Variants in LONP1 observed in about 807,000 individuals in gnomAD.
LONP1 encodes the protein lon protease homolog, mitochondrial.
In LONP1, 31 loss-of-function variants were observed where a neutral mutation model predicts 98.5. That is an observed-to-expected ratio of 0.31 (90% confidence interval 0.24 to 0.42). The LOEUF is 0.42. Among genes scored for constraint, LONP1 ranks in the 20% least tolerant of loss-of-function variants. LONP1 has a pLI of 1.00. For synonymous variants in LONP1, 781 were observed against 594.7 expected, an observed-to-expected ratio of 1.31 and a Z score of -4.56; for missense variants, 1,336 against 1,350.6, an observed-to-expected ratio of 0.99 and a Z score of 0.17.
chr19:5,701,553 C>T (rs1167161394), intron 8 of LONP1, among the ~76,000 whole-genome samples: 1 of 152,214 alleles, frequency 6.6e-6, no homozygotes, highest in African/African-American at 2.4e-5. Flanking sequence ...GGCTGGTCTC[C>T]AGGTCCTAAC....
Position 5,692,164 on chromosome 19 carries a change from G to C in LONP1, c.2748C>G (p.Asn916Lys). 2 of 1,614,122 alleles carry C rather than the reference G, an allele frequency of 1.2e-6. No homozygotes were observed. The highest frequency in any genetic ancestry group is 1.7e-6 in the Non-Finnish European group (2 of 1,179,994). ...GVTCIVLPAE[N>K]KKDFYDLAAF... ...CTGCCAGGTCGTAGAAGTCCTTCTT[G>C]TTCTCGGCTGGCAGGACGATGCACG... Residue 916 changes from asparagine to lysine, a missense_variant, in exon 18 of 18, where the codon AAC becomes AAG. By Grantham distance (94) the Asn-to-Lys change is moderately conservative. Around this residue, in one of 5 missense-constraint regions of LONP1, gnomAD observed 555 missense variants for 542.6 expected, o/e 1.02. Coordinates refer to ENST00000360614, the MANE Select transcript of LONP1 (RefSeq NM_004793.4).
chr19:5,691,976 T>TCTGTTCTGGCCCAGACAGGGCCTGACATC lies in LONP1; in HGVS notation c.*55_*56insGATGTCAGGCCCTGTCTGGGCCAGAACAG. The TCTGTTCTGGCCCAGACAGGGCCTGACATC allele has an allele frequency of 1.3e-6, 2 of 1,536,484 alleles. No individual in the cohort carries two copies. The highest frequency in any genetic ancestry group is 1.8e-6 in the Non-Finnish European group (2 of 1,135,666). ...GGTCCGGGCGCGCTCCCCACAGCGC[T>TCTGTTCTGGCCCAGACAGGGCCTGACATC]CAGTTCTGGCCCAGACAGGGCCTGA... On this transcript the variant is annotated 3_prime_UTR_variant, in exon 18 of 18. Transcript: ENST00000360614.
intron 13 of LONP1, 43 bp downstream of exon 13, chr19:5,696,011 C>G (rs774608202): frequency 1.5e-5 from 24 of 1,570,486 alleles, no homozygotes; most frequent in Middle Eastern, 1.7e-4. Context: ...GGGGCGCCCC[C>G]TGCTCTGGGA....
At chr19:5,700,165 G>A (rs556150556) in intron 9 of LONP1, among the ~76,000 whole-genome samples, 32 of 152,218 alleles carry the variant, frequency 2.1e-4, no homozygotes, top group African/African-American at 7.0e-4. Context: ...CCAGGCTGGA[G>A]TGCAATGGCA....
chr19:5,707,271 C>T (rs1006758240), intron 6 of LONP1, 128 bp from the exon 7 acceptor site: 7 of 730,228 alleles, frequency 9.6e-6, no homozygotes, highest in African/African-American at 1.7e-5. Flanking sequence ...GTACCCAGCA[C>T]AGAGGCATGT....
chr19:5,699,526 G>T (rs2055003298), intron 9 of LONP1, among the ~76,000 whole-genome samples: 1 of 150,898 alleles, frequency 6.6e-6, no homozygotes, highest in African/African-American at 2.4e-5. Context: ...CCAACCCAGA[G>T]AAGCAGTCCA....
At chr19:5,700,639 A>T in intron 9 of LONP1, 150 bp downstream of exon 9, 1 of 1,108,020 alleles carries the variant, frequency 9.0e-7, no homozygotes, top group Non-Finnish European at 1.3e-6. Flanking sequence ...GCAGGGCAGG[A>T]TGCTACCTCC....
Position 5,692,126 on chromosome 19 carries a change from T to C in LONP1, c.2786A>G (p.Glu929Gly), listed in dbSNP as rs377394745. 1.9e-6 allele frequency: 3 copies of C among 1,613,184 alleles called. No individual in the cohort carries two copies. Among genetic ancestry groups the C allele is most frequent in the Non-Finnish European group, 2.5e-6 (3 of 1,179,554 alleles). ...TTCCACGAAGTGCACCTCCAGGCCC[T>C]CGGTGATGAAGGCTGCCAGGTCGTA... is the stretch of plus-strand genomic sequence containing the variant. ...DFYDLAAFIT[E>G]GLEVHFVEHY... Residue 929 changes from glutamate (E) to glycine (G), a missense_variant, in exon 18 of 18, where the codon GAG (glutamate) becomes GGG (glycine). Around this residue, in one of 5 missense-constraint regions of LONP1, gnomAD observed 555 missense variants for 542.6 expected, o/e 1.02. Transcript: ENST00000360614.
At chr19:5,700,994 G>A in intron 8 of LONP1, 67 bp from the exon 9 acceptor site, 1 of 1,593,826 alleles carries the variant, frequency 6.3e-7, no homozygotes, top group Non-Finnish European at 8.6e-7. Context: ...TGCTGGACTT[G>A]GCTGGGTGGT....
In LONP1 at chr19:5,700,802, T is replaced by G. The variant is rs1439723140; in HGVS notation, c.1493A>C (p.Lys498Thr). ...CACTGGGCTCACCAGGATGCGTTTCTTGACGTCCTCCATGCCGTAGTGGTC... is the reference window on the plus strand; with the variant it reads ...CACTGGGCTCACCAGGATGCGTTTCGTGACGTCCTCCATGCCGTAGTGGTC... The part of the protein sequence containing the change: ...EEDHYGMEDV[K>T]KRILEFIAVS... The change falls in exon 9 of 18, where the codon AAG becomes ACG. Residue 498 changes from lysine to threonine, a missense_variant. By Grantham distance (78) the Lys-to-Thr change is moderately conservative (BLOSUM62 -1). Coordinates refer to ENST00000360614, the MANE Select transcript of LONP1 (RefSeq NM_004793.4). 6.2e-7 allele frequency: 1 copy of G among 1,614,182 alleles called. No homozygotes were observed.
chr19:5,693,602 G>A lies in LONP1; in HGVS notation c.2488C>T (p.Pro830Ser), dbSNP rs1484060909. 1.9e-6 allele frequency: 3 copies of A among 1,614,104 alleles called. No homozygotes were observed. Among genetic ancestry groups the A allele is most frequent in the Non-Finnish European group, 2.5e-6 (3 of 1,179,984 alleles). Residue 830 changes from proline to serine, a missense_variant, in exon 16 of 18, where the codon CCC (proline) becomes TCC (serine). Physicochemically the swap from Pro to Ser is moderately conservative, Grantham distance 74. This residue lies in a region of LONP1 where 555 missense variants were observed against 542.6 expected (regional missense o/e 1.02). Transcript: ENST00000360614. ...GAGGTCACCAGGTAGTCATTGGCGG[G>A]GGCGTGCTGCATGAGGAAGGCTCTG... is the stretch of plus-strand genomic sequence containing the variant. ...FARAFLMQHA[P>S]ANDYLVTSHI...
chr19:5,701,296 T>C (rs539699173), intron 8 of LONP1, among the ~76,000 whole-genome samples: 3 of 151,888 alleles, frequency 2.0e-5, no homozygotes, highest in Non-Finnish European at 4.4e-5. Flanking sequence ...ATACAAAAAA[T>C]GCTTCTGCCT....
chr19:5,708,285 T>A (rs1295722358), intron 5 of LONP1, 57 bp downstream of exon 5: 34 of 1,555,040 alleles, frequency 2.2e-5, no homozygotes, highest in Non-Finnish European at 3.0e-5. Flanking sequence ...CCCACCCAGC[T>A]GCAGAAAGAG....
In LONP1 at chr19:5,699,199, T is replaced by C. The variant is rs2054997384; in HGVS notation, c.1513A>G (p.Ile505Val). Residue 505 changes from isoleucine (I) to valine (V), a missense_variant, in exon 10 of 18, where the codon ATT becomes GTT. Physicochemically the swap from Ile to Val is conservative, Grantham distance 29 (BLOSUM62 3). Around this residue, in one of 5 missense-constraint regions of LONP1, gnomAD observed 219 missense variants for 241.0 expected, o/e 0.91. Transcript: ENST00000360614. Reference protein sequence around the residue: ...EDVKKRILEFIAVSQLRGSTQ... With the variant: ...EDVKKRILEFVAVSQLRGSTQ... ...GAGCCGCGGAGCTGGCTAACGGCAA[T>C]GAACTCCTGCAGACAGAGGCAGGTT... The C allele has an allele frequency of 2.0e-6, 3 of 1,502,024 alleles. No individual in the cohort carries two copies. The highest frequency in any genetic ancestry group is 2.1e-5 in the Admixed American group (1 of 47,356). 93.0% of individuals were successfully genotyped at this position (1,502,024 alleles called of 1,614,324 possible).
intron 16 of LONP1, 45 bp from the exon 17 acceptor site, chr19:5,693,507 C>T: frequency 3.1e-6 from 5 of 1,612,370 alleles, no homozygotes; most frequent in Non-Finnish European, 4.2e-6. Flanking sequence ...TGGCCAGCAG[C>T]CCAGGGACTG....
intron 10 of LONP1, among the ~76,000 whole-genome samples, chr19:5,697,661 C>T (rs866418763): frequency 1.6e-4 from 24 of 150,226 alleles, no homozygotes; most frequent in African/African-American, 5.8e-4. Flanking sequence ...GGGCTTTGAC[C>T]GAGGAACGTG....
At chr19:5,717,378 G>C (rs2055339991) in intron 1 of LONP1, 1 of 152,200 alleles carries the variant, frequency 6.6e-6, no homozygotes, top group South Asian at 2.1e-4. Context: ...GGCCTTGGCA[G>C]GATCCATTTT....
intron 4 of LONP1, among the ~76,000 whole-genome samples, chr19:5,709,630 C>A (rs1296884328): frequency 3.3e-5 from 5 of 152,138 alleles, no homozygotes; most frequent in African/African-American, 7.2e-5. Context: ...ATAAGTTCAG[C>A]TGGGCACAGT....
intron 5 of LONP1, 34 bp downstream of exon 5, chr19:5,708,308 C>A (rs1160513674): frequency 6.2e-7 from 1 of 1,605,334 alleles, no homozygotes. Flanking sequence ...GCAGAGATGC[C>A]CCCGCCTGGC....
Sources: gnomAD v4.1 joint callset for allele counts (sites outside exome capture counted in the v4.1 genomes callset) on GRCh38, gnomAD v4.1.1 for gene constraint, gnomAD v4.1.1 regional missense constraint, MANE v1.5 for transcripts, NCBI Gene and HGNC (gene_info 2026-07-23, HGNC 2026-07-21) for gene names.